Variants in DECR1 observed in about 807,000 individuals in gnomAD.
DECR1 encodes the protein 2,4-dienoyl-CoA reductase 1.
DECR1 carries 44 observed loss-of-function variants against 38.8 expected under a neutral mutation model. That is an observed-to-expected ratio of 1.13 (90% CI 0.89 to 1.46). The LOEUF is 1.46. DECR1 is among the 40% of genes most tolerant of loss of function. DECR1 has a pLI of 0.00. For missense variants in DECR1, 428 were observed against 405.5 expected, an observed-to-expected ratio of 1.06 and a Z score of -0.48; for synonymous variants, 148 against 135.2, an observed-to-expected ratio of 1.09 and a Z score of -0.66.
intron 8 of DECR1, among the ~76,000 whole-genome samples, chr8:90,046,562 G>C (rs1038051996): frequency 6.6e-6 from 1 of 152,064 alleles, no homozygotes; most frequent in Non-Finnish European, 1.5e-5. Context: ...ATCTACGTCT[G>C]ATTGTACCTG....
Position 90,051,759 on chromosome 8 carries a change from A to G in DECR1, c.948+20A>G. On this transcript the variant is annotated intron_variant, in intron 9 of 9. Coordinates refer to ENST00000220764, the MANE Select transcript of DECR1 (RefSeq NM_001359.2). ...AGAAAGGTAATGCTTTTGTGTGTAT[A>G]ATGTAATATCAGCAGCTAGGATACT... 1.2e-6 allele frequency: 2 copies of G among 1,612,860 alleles called. No homozygotes were observed. The highest frequency in any genetic ancestry group is 2.2e-5 in the East Asian group (1 of 44,814).
At chr8:90,048,991 C>G (rs1424037153) in intron 8 of DECR1, among the ~76,000 whole-genome samples, 1 of 152,142 alleles carries the variant, frequency 6.6e-6, no homozygotes, top group African/African-American at 2.4e-5. Context: ...ATTCAACTGC[C>G]CTTCATGCTA....
intron 8 of DECR1, among the ~76,000 whole-genome samples, chr8:90,048,723 G>C (rs182901307): frequency 6.6e-6 from 1 of 151,990 alleles, no homozygotes; most frequent in Non-Finnish European, 1.5e-5. Flanking sequence ...GCCTGGCAGA[G>C]ATACAACAAC....
intron 5 of DECR1, among the ~76,000 whole-genome samples, chr8:90,025,271 A>G (rs1007928863): frequency 7.2e-5 from 11 of 152,196 alleles, no homozygotes; most frequent in African/African-American, 2.7e-4. Context: ...AGTCATTGGT[A>G]GCTTGATGGG....
intron 1 of DECR1, chr8:90,006,102 C>A: frequency 1.5e-6 from 1 of 662,050 alleles, no homozygotes; most frequent in Admixed American, 2.2e-5. Flanking sequence ...CCCATTAGAC[C>A]CCACCTCCAA....
intron 7 of DECR1, among the ~76,000 whole-genome samples, chr8:90,044,457 G>C (rs1400295186): frequency 6.6e-6 from 1 of 152,122 alleles, no homozygotes; most frequent in Non-Finnish European, 1.5e-5. Flanking sequence ...TGGGATGAAA[G>C]AAAAGGAATT....
At chr8:90,018,764 A>G in intron 2 of DECR1, 145 bp from the exon 3 acceptor site, 1 of 672,626 alleles carries the variant, frequency 1.5e-6, no homozygotes, top group South Asian at 1.9e-5. Flanking sequence ...TTTGACTTTT[A>G]GAAAAAATTC....
intron 8 of DECR1, among the ~76,000 whole-genome samples, chr8:90,045,283 G>A (rs1813864950): frequency 6.6e-6 from 1 of 152,072 alleles, no homozygotes; most frequent in African/African-American, 2.4e-5. Context: ...TCCTAGCCAA[G>A]GGAAGCCCTG....
chr8:90,047,107 C>A (rs1813928982), intron 8 of DECR1, among the ~76,000 whole-genome samples: 1 of 151,964 alleles, frequency 6.6e-6, no homozygotes, highest in South Asian at 2.1e-4. Context: ...ATCAATGCTA[C>A]AAAAAAACTG....
intron 5 of DECR1, among the ~76,000 whole-genome samples, chr8:90,025,371 ATTTG>A (rs1813304534): frequency 6.6e-6 from 1 of 152,146 alleles, no homozygotes; most frequent in African/African-American, 2.4e-5. Flanking sequence ...ATGTTCTTCC[ATTTG>A]TTTGTGTCCT....
At chr8:90,015,997 C>T (rs1304314775) in intron 1 of DECR1, among the ~76,000 whole-genome samples, 1 of 152,032 alleles carries the variant, frequency 6.6e-6, no homozygotes, top group Non-Finnish European at 1.5e-5. Context: ...AATGTTAGCT[C>T]CTATTGTTCA....
chr8:90,005,181 T>C (rs994538824), intron 1 of DECR1: 11 of 369,638 alleles, frequency 3.0e-5, no homozygotes, highest in African/African-American at 1.9e-4. Flanking sequence ...GTTGGTGAAG[T>C]ATGGGAACAG....
chr8:90,042,271 GT>G (rs1262494830), intron 6 of DECR1, among the ~76,000 whole-genome samples: 1 of 152,146 alleles, frequency 6.6e-6, no homozygotes, highest in East Asian at 1.9e-4. Flanking sequence ...TATGAGTAAA[GT>G]TATAATGAAC....
At chr8:90,001,862 G>A (rs1812621469) in intron 1 of DECR1, among the ~76,000 whole-genome samples, 1 of 151,712 alleles carries the variant, frequency 6.6e-6, no homozygotes, top group Admixed American at 6.6e-5. Context: ...GCGAGAGAGA[G>A]GACAGGACGT....
chr8:90,015,902 G>A (rs10504886), intron 1 of DECR1, among the ~76,000 whole-genome samples: 10,430 of 152,178 alleles, frequency 0.069, 1,083 homozygotes, highest in African/African-American at 0.22. Context: ...TGTACAATAG[G>A]ATAAAACTAA....
chr8:90,043,301 G>C (rs1416382998), intron 7 of DECR1, among the ~76,000 whole-genome samples: 2 of 152,128 alleles, frequency 1.3e-5, no homozygotes, highest in South Asian at 4.1e-4. Flanking sequence ...AATTATGCAT[G>C]TCATCTAACG....
intron 6 of DECR1, among the ~76,000 whole-genome samples, chr8:90,041,824 A>C (rs1813771385): frequency 6.6e-6 from 1 of 152,004 alleles, no homozygotes; most frequent in Non-Finnish European, 1.5e-5. Context: ...ATATTTCGTT[A>C]TCCTGGCTTT....
intron 5 of DECR1, among the ~76,000 whole-genome samples, chr8:90,025,586 T>C (rs1326165464): frequency 6.6e-6 from 1 of 152,152 alleles, no homozygotes; most frequent in African/African-American, 2.4e-5. Context: ...CCTGAGACTT[T>C]GCTGAATTTG....
At chr8:90,012,298 G>A (rs1812905400) in intron 1 of DECR1, among the ~76,000 whole-genome samples, 2 of 151,720 alleles carry the variant, frequency 1.3e-5, no homozygotes, top group South Asian at 2.1e-4. Flanking sequence ...GACTACAGGC[G>A]CATGCCACCA....
Sources: allele counts gnomAD v4.1 joint callset (sites outside exome capture counted in the v4.1 genomes callset), GRCh38; gene constraint gnomAD v4.1.1; transcripts MANE v1.5; gene names NCBI Gene and HGNC (gene_info 2026-07-23, HGNC 2026-07-21).